The following NXPE2 variants were observed in gnomAD, a reference collection of about 807,000 sequenced individuals.
NXPE2 encodes neurexophilin and PC-esterase domain family member 2.
A neutral mutation model predicts 34.4 loss-of-function variants in NXPE2; 34 were observed. That is an observed-to-expected ratio of 0.99 (90% CI 0.75 to 1.31). NXPE2 has a LOEUF of 1.31. NXPE2 is among the 40% of genes most tolerant of loss of function. The pLI, the probability that NXPE2 is intolerant of heterozygous loss-of-function variation, is 0.00. For synonymous variants in NXPE2, 235 were observed against 231.3 expected, an observed-to-expected ratio of 1.02 and a Z score of -0.15; for missense variants, 649 against 672.5, an observed-to-expected ratio of 0.97 and a Z score of 0.39.
the NXPE2 span, among the ~76,000 whole-genome samples, chr11:114,812,769 G>T: frequency 6.6e-6 from 1 of 152,150 alleles, no homozygotes; most frequent in African/African-American, 2.4e-5. Context: ...TAGTGGTGTT[G>T]CTGGGAATGG....
chr11:114,491,491 T>G, the NXPE2 span, among the ~76,000 whole-genome samples: 4 of 152,032 alleles, frequency 2.6e-5, no homozygotes, highest in African/African-American at 9.7e-5. Context: ...ATGGCGATCA[T>G]TAAAAAGTCA....
the NXPE2 span, among the ~76,000 whole-genome samples, chr11:114,773,250 C>A: frequency 6.7e-6 from 1 of 149,716 alleles, no homozygotes; most frequent in African/African-American, 2.5e-5. Flanking sequence ...CAGTCAGGGG[C>A]AAGCCCATGC....
chr11:114,522,181 T>G, the NXPE2 span: 2 of 1,614,128 alleles, frequency 1.2e-6, no homozygotes, highest in Non-Finnish European at 1.7e-6. Context: ...TGATGTTTTC[T>G]GTCTTAATAA....
At chr11:114,475,253 T>G in the NXPE2 span, among the ~76,000 whole-genome samples, 109 of 98,060 alleles carry the variant, frequency 1.1e-3, 5 homozygotes, top group Admixed American at 0.011. Flanking sequence ...TTTTTTTTTT[T>G]TTTTTTTTGA....
At chr11:114,737,646 A>G in the NXPE2 span, among the ~76,000 whole-genome samples, 44,649 of 151,968 alleles carry the variant, frequency 0.29, 6,749 homozygotes, top group East Asian at 0.43. Context: ...TCACTGACTC[A>G]TGGTCACAGA....
At chr11:114,514,454 A>G in the NXPE2 span, among the ~76,000 whole-genome samples, 1 of 151,978 alleles carries the variant, frequency 6.6e-6, no homozygotes, top group Admixed American at 6.6e-5. Context: ...CAGTGACACA[A>G]TCATGTCTCA....
At chr11:114,615,009 T>C in the NXPE2 span, among the ~76,000 whole-genome samples, 1 of 151,230 alleles carries the variant, frequency 6.6e-6, no homozygotes, top group East Asian at 2.0e-4. Context: ...TTATAATAAG[T>C]GTTTCCTCGT....
the NXPE2 span, among the ~76,000 whole-genome samples, chr11:114,666,030 T>C: frequency 6.6e-6 from 1 of 152,114 alleles, no homozygotes; most frequent in Non-Finnish European, 1.5e-5. Flanking sequence ...TTCCACACTA[T>C]CCTGCATCTT....
chr11:114,622,352 G>A, the NXPE2 span, among the ~76,000 whole-genome samples: 57 of 151,942 alleles, frequency 3.8e-4, 1 homozygote, highest in South Asian at 9.6e-3. Context: ...GTGTTGCCTC[G>A]TGGGTAACCA....
At chr11:114,635,910 A>T in the NXPE2 span, among the ~76,000 whole-genome samples, 1 of 152,074 alleles carries the variant, frequency 6.6e-6, no homozygotes, top group Non-Finnish European at 1.5e-5. Context: ...CATCAAGGAT[A>T]TTGGTCTAAA....
chr11:114,802,527 T>G, the NXPE2 span, among the ~76,000 whole-genome samples: 1 of 152,240 alleles, frequency 6.6e-6, no homozygotes, highest in Non-Finnish European at 1.5e-5. Context: ...CCTGGTTATG[T>G]GCTTCCTGGG....
the NXPE2 span, among the ~76,000 whole-genome samples, chr11:114,668,782 T>C: frequency 1.5e-3 from 225 of 152,208 alleles, no homozygotes; most frequent in African/African-American, 5.2e-3. Flanking sequence ...GACAGCATTT[T>C]TGGAATGGTG....
At chr11:114,626,151 G>A in the NXPE2 span, among the ~76,000 whole-genome samples, 6 of 152,304 alleles carry the variant, frequency 3.9e-5, no homozygotes, top group African/African-American at 1.2e-4. Context: ...CAGCCGGGAA[G>A]CTCGAACTGG....
the NXPE2 span, among the ~76,000 whole-genome samples, chr11:114,627,751 C>T: frequency 1.2e-4 from 18 of 152,234 alleles, no homozygotes; most frequent in East Asian, 1.2e-3. Flanking sequence ...CAAGACCCAT[C>T]AGTGTGCTGT....
At chr11:114,540,358 G>A in the NXPE2 span, among the ~76,000 whole-genome samples, 1 of 152,078 alleles carries the variant, frequency 6.6e-6, no homozygotes, top group Admixed American at 6.6e-5. Context: ...TTTACATATA[G>A]CAACATGATT....
At chr11:114,520,667 A>AG in the NXPE2 span, among the ~76,000 whole-genome samples, 1 of 152,166 alleles carries the variant, frequency 6.6e-6, no homozygotes, top group Non-Finnish European at 1.5e-5. Flanking sequence ...TTCTGTTTTT[A>AG]GGGGAACTGC....
At chr11:114,645,966 A>G in the NXPE2 span, among the ~76,000 whole-genome samples, 21 of 152,142 alleles carry the variant, frequency 1.4e-4, no homozygotes, top group Admixed American at 1.3e-3. Context: ...TTAAATATGT[A>G]TATAGCCTTT....
the NXPE2 span, among the ~76,000 whole-genome samples, chr11:114,578,675 C>A: frequency 5.1e-3 from 780 of 152,314 alleles, 10 homozygotes; most frequent in African/African-American, 0.018. Context: ...ACAGCTACTG[C>A]AATTCTCTCA....
the NXPE2 span, chr11:114,531,003 G>T: frequency 8.0e-7 from 1 of 1,253,996 alleles, no homozygotes. Context: ...GTGAATATTT[G>T]TATAATTGAA....
Sources: gnomAD v4.1 joint callset for allele counts (sites outside exome capture counted in the v4.1 genomes callset) on GRCh38, gnomAD v4.1.1 for gene constraint, MANE v1.5 for transcripts, NCBI Gene and HGNC (gene_info 2026-07-23, HGNC 2026-07-21) for gene names.